The following WDR88 variants were observed in gnomAD, a reference collection of about 807,000 sequenced individuals.
The protein encoded by WDR88 is WD repeat domain 88.
Under a neutral mutation model 46.8 loss-of-function variants are expected in WDR88, and 40 were observed. The observed-to-expected ratio is 0.86, with a 90% confidence interval of 0.66 to 1.11. The LOEUF (loss-of-function observed/expected upper bound fraction) is 1.11. WDR88 is among the 50% of genes most tolerant of loss of function. WDR88 has a pLI of 0.00. For missense variants in WDR88, 562 were observed against 602.4 expected (o/e 0.93, Z 0.70); for synonymous variants, 235 against 240.7 (o/e 0.98, Z 0.22).
At chr19:33,172,500 A>C in intron 10 of WDR88, 60 bp downstream of exon 10, 1 of 1,403,752 alleles carries the variant, frequency 7.1e-7, no homozygotes, top group South Asian at 1.2e-5. Flanking sequence ...CTATAAATTA[A>C]TTTATCATTT....
chr19:33,137,673 T>C lies in WDR88; in HGVS notation c.277-4T>C. ...TTAGCTCATCTGGTCTCTCCTTTTT[T>C]CAGATCCCATTTAAAATTCTGAGTG... is the stretch of plus-strand genomic sequence containing the variant. On this transcript the variant is annotated splice_polypyrimidine_tract_variant and splice_region_variant and intron_variant, in intron 1 of 10. Coordinates refer to ENST00000355868, the MANE Select transcript of WDR88 (RefSeq NM_173479.4). 6.2e-7 allele frequency: 1 copy of C among 1,613,414 alleles called. No homozygotes were observed. Among genetic ancestry groups the C allele is most frequent in the Non-Finnish European group, 8.5e-7 (1 of 1,179,584 alleles).
chr19:33,140,783 C>A (rs1035203005), intron 2 of WDR88, among the ~76,000 whole-genome samples: 1 of 148,510 alleles, frequency 6.7e-6, no homozygotes, highest in Non-Finnish European at 1.5e-5. Flanking sequence ...GTGGGAGACT[C>A]CGTCTCAAAA....
chr19:33,174,393 A>G (rs1974091033), intron 10 of WDR88: 1 of 1,403,418 alleles, frequency 7.1e-7, no homozygotes, highest in African/African-American at 1.4e-5. Context: ...GGGCGCGGCC[A>G]CCTTGCAGGC....
At position 33,175,583 on chromosome 19, in the gene WDR88, C is replaced by T. The variant is rs753084198; in HGVS notation, c.*11C>T. 4.3e-6 allele frequency: 7 copies of T among 1,613,822 alleles called. No homozygotes were observed. Among genetic ancestry groups the T allele is most frequent in the Non-Finnish European group, 5.9e-6 (7 of 1,179,950 alleles). ...AGCAAGGATGACTGACAGCCACAGG[C>T]CCCTTTGAGTGACTCCAGCACAGGC... On this transcript the variant is annotated 3_prime_UTR_variant, in exon 11 of 11. Coordinates refer to ENST00000355868, the MANE Select transcript of WDR88 (RefSeq NM_173479.4).
At chr19:33,154,667 C>T (rs376008349) in intron 6 of WDR88, among the ~76,000 whole-genome samples, 3 of 152,288 alleles carry the variant, frequency 2.0e-5, no homozygotes, top group Non-Finnish European at 2.9e-5. Flanking sequence ...AATAAACATA[C>T]GTGTGCATGT....
chr19:33,152,963 C>T (rs573766928), intron 6 of WDR88, among the ~76,000 whole-genome samples: 1 of 152,264 alleles, frequency 6.6e-6, no homozygotes, highest in Non-Finnish European at 1.5e-5. Context: ...TTGATGACCT[C>T]TTAGGCTGTT....
chr19:33,174,959 G>A (rs919885824), intron 10 of WDR88: 8 of 985,194 alleles, frequency 8.1e-6, no homozygotes, highest in Middle Eastern at 5.2e-4. Flanking sequence ...GAGGGGCTGC[G>A]CCCAGTGGCT....
chr19:33,156,319 AGCGCTAATGTGT>A, intron 6 of WDR88, 24 bp from the exon 7 acceptor site: 1 of 1,594,238 alleles, frequency 6.3e-7, no homozygotes, highest in Non-Finnish European at 8.6e-7. Flanking sequence ...CCAGGAGCAA[AGCGCTAATGTGT>A]GCACCCCACC....
At chr19:33,132,715 A>G (rs1033095249) in intron 1 of WDR88, among the ~76,000 whole-genome samples, 5 of 152,190 alleles carry the variant, frequency 3.3e-5, no homozygotes, top group African/African-American at 1.2e-4. Flanking sequence ...CTGCCCCACC[A>G]TGTGACCCCA....
intron 9 of WDR88, among the ~76,000 whole-genome samples, chr19:33,168,735 T>C (rs1973992232): frequency 6.6e-6 from 1 of 152,064 alleles, no homozygotes; most frequent in South Asian, 2.1e-4. Context: ...TCCAACAGCA[T>C]TTTCATATGA....
intron 1 of WDR88, among the ~76,000 whole-genome samples, chr19:33,134,849 C>A (rs922386430): frequency 2.9e-5 from 4 of 139,258 alleles, no homozygotes; most frequent in South Asian, 2.4e-4. Flanking sequence ...CACCCCCCCC[C>A]CCGCCCCGCA....
intron 7 of WDR88, among the ~76,000 whole-genome samples, chr19:33,159,971 A>G (rs1037927647): frequency 6.6e-6 from 1 of 151,806 alleles, no homozygotes; most frequent in African/African-American, 2.4e-5. Flanking sequence ...AGATTCTCAT[A>G]AAGAGTGCAC....
At chr19:33,160,641 C>A in intron 8 of WDR88, 145 bp downstream of exon 8, 1 of 814,394 alleles carries the variant, frequency 1.2e-6, no homozygotes, top group Non-Finnish European at 2.0e-6. Context: ...AGGAAGCCAG[C>A]AAACACACCA....
rs369705451 is a variant in WDR88 at position 33,153,744 on chromosome 19, C to T, written c.809+2434C>T. Among the ~76,000 whole-genome samples, 18 of 151,994 alleles carry T rather than the reference C, an allele frequency of 1.2e-4. No homozygotes were observed. The East Asian group carries it at 2.7e-3, about 23-fold the overall frequency. ...TCCTGACCTTGTGATCCACCCACCT[C>T]GGCCTCCCAAAGTGCTGGGATTACA... On this transcript the variant is annotated intron_variant, in intron 6 of 10. Coordinates refer to ENST00000355868, the MANE Select transcript of WDR88 (RefSeq NM_173479.4).
At chr19:33,151,413 A>G in intron 6 of WDR88, 103 bp downstream of exon 6, 1 of 1,439,254 alleles carries the variant, frequency 6.9e-7, no homozygotes, top group Admixed American at 2.2e-5. Context: ...ACACGTCTGT[A>G]GCTTGGTCAT....
chr19:33,153,878 A>AT (rs1973684309), intron 6 of WDR88, among the ~76,000 whole-genome samples: 1 of 152,024 alleles, frequency 6.6e-6, no homozygotes, highest in Admixed American at 6.6e-5. Flanking sequence ...CTCTGAAGAT[A>AT]TTTTTGTTGT....
In WDR88 at chr19:33,170,270, C is replaced by T. The variant is rs534750207; in HGVS notation, c.1150-2078C>T. Among the ~76,000 whole-genome samples the T allele has an allele frequency of 3.7e-4, 56 of 152,206 alleles. 1 individual carries two copies. The South Asian group carries it at 0.011, about 29-fold the overall frequency. On this transcript the variant is annotated intron_variant, in intron 9 of 10. Transcript: ENST00000355868. ...TCAGCTCACTGCAGCCTGAACCTCC[C>T]GGGCTTAGGCGATCCTCCCGCCTTA...
intron 6 of WDR88, 89 bp from the exon 7 acceptor site, chr19:33,156,266 A>G (rs1005850860): frequency 5.8e-6 from 8 of 1,383,450 alleles, no homozygotes; most frequent in Non-Finnish European, 7.9e-6. Context: ...CCATGAGCTC[A>G]CAGGAGAAAA....
At chr19:33,161,113 C>T (rs752603967) in intron 8 of WDR88, among the ~76,000 whole-genome samples, 3 of 152,106 alleles carry the variant, frequency 2.0e-5, no homozygotes, top group Admixed American at 6.6e-5. Flanking sequence ...GCGGAGGTTG[C>T]ACTGGGCCAA....
Sources: gnomAD v4.1 joint callset for allele counts (sites outside exome capture counted in the v4.1 genomes callset) on GRCh38, gnomAD v4.1.1 for gene constraint, MANE v1.5 for transcripts, NCBI Gene and HGNC (gene_info 2026-07-23, HGNC 2026-07-21) for gene names.